STX6: variants seen among roughly 807,000 people sequenced by gnomAD.
STX6 encodes syntaxin 6.
A neutral mutation model predicts 38.0 loss-of-function variants in STX6; 23 were observed. The ratio of observed to expected loss-of-function variants is 0.60; its 90% CI spans 0.43 to 0.86. The LOEUF is 0.86. Ranked by LOEUF, STX6 falls within the 40% of genes least tolerant of loss-of-function variation. STX6 has a pLI of 0.00. For synonymous variants in STX6, 123 were observed against 107.5 expected (o/e 1.14, Z -0.89); for missense variants, 274 against 312.9 (o/e 0.88, Z 0.94).
At chr1:181,000,794 G>A (rs1656057843) in intron 3 of STX6, among the ~76,000 whole-genome samples, 1 of 150,640 alleles carries the variant, frequency 6.6e-6, no homozygotes, top group Non-Finnish European at 1.5e-5. Context: ...TAATGATTAA[G>A]GTTAAGGACA....
chr1:181,020,701 C>T (rs532666783), intron 1 of STX6, among the ~76,000 whole-genome samples: 1 of 152,204 alleles, frequency 6.6e-6, no homozygotes. Flanking sequence ...AAGGAGTTAC[C>T]TTTCTCTGAA....
chr1:180,994,620 C>T (rs927807265), intron 3 of STX6, among the ~76,000 whole-genome samples: 12 of 152,058 alleles, frequency 7.9e-5, no homozygotes, highest in African/African-American at 2.7e-4. Context: ...ATTTCACTCA[C>T]GGTGGATTTC....
rs1326866879 is a variant in STX6, at chr1:180,974,081, C to T, written c.*2489G>A. On this transcript the variant is annotated 3_prime_UTR_variant, in exon 8 of 8. Coordinates refer to ENST00000258301, the MANE Select transcript of STX6 (RefSeq NM_005819.6). ...CCCTCTAAAGCCCTGAACATTAGGA[C>T]CACTGAGGAGGAAATATTTGTCCTT... 6.6e-6 allele frequency: 1 copy of T among 152,200 alleles called. No homozygotes were observed. Among genetic ancestry groups the T allele is most frequent in the Non-Finnish European group, 1.5e-5 (1 of 68,042 alleles). 9.4% of individuals were successfully genotyped at this position (152,200 alleles called of 1,614,324 possible). A position where few individuals can be genotyped will look rare whatever the true frequency, so the allele number is the denominator to read the frequency against.
chr1:180,995,166 T>C (rs1655869179), intron 3 of STX6, among the ~76,000 whole-genome samples: 1 of 152,080 alleles, frequency 6.6e-6, no homozygotes, highest in South Asian at 2.1e-4. Context: ...TTTCAGTATG[T>C]TGGCCAGGAT....
chr1:181,017,230 CAA>C, intron 1 of STX6, among the ~76,000 whole-genome samples: 1 of 137,864 alleles, frequency 7.3e-6, no homozygotes. Flanking sequence ...ACTGAAAATA[CAA>C]AAAAAAAAAA....
intron 7 of STX6, among the ~76,000 whole-genome samples, chr1:180,979,507 G>A (rs1472655656): frequency 6.6e-6 from 1 of 152,174 alleles, no homozygotes; most frequent in Non-Finnish European, 1.5e-5. Context: ...AAATGAAGTT[G>A]GAGGCAGACT....
chr1:180,993,840 T>G (rs1655822844), intron 3 of STX6, among the ~76,000 whole-genome samples: 1 of 145,712 alleles, frequency 6.9e-6, no homozygotes, highest in Middle Eastern at 3.4e-3. Context: ...AGAACATCCC[T>G]GGGGTACAAA....
intron 6 of STX6, among the ~76,000 whole-genome samples, chr1:180,986,762 TG>T (rs1655599436): frequency 6.6e-6 from 1 of 152,132 alleles, no homozygotes; most frequent in Non-Finnish European, 1.5e-5. Context: ...TAGTGAGCTG[TG>T]GAGAGGGAGT....
chr1:180,988,173 A>T, intron 6 of STX6, 66 bp downstream of exon 6: 1 of 1,132,182 alleles, frequency 8.8e-7, no homozygotes, highest in Non-Finnish European at 1.3e-6. Flanking sequence ...CAGGCTTTTT[A>T]GGGGTGTCAT....
intron 6 of STX6, among the ~76,000 whole-genome samples, chr1:180,985,131 C>T (rs369912057): frequency 2.8e-4 from 33 of 119,596 alleles, no homozygotes; most frequent in Admixed American, 5.5e-4. Context: ...CATGAGCTTG[C>T]GGCAAATTTA....
In STX6 at chr1:180,976,476, G is replaced by C; in HGVS notation, c.*94C>G. On this transcript the variant is annotated 3_prime_UTR_variant, in exon 8 of 8. Transcript: ENST00000258301. Reference sequence around the variant, plus strand: ...AGTGCAGCAGTATGTTTCCAGGATAGGAATGTGAGTAGACGGCAATGTCAC... The same window carrying C: ...AGTGCAGCAGTATGTTTCCAGGATACGAATGTGAGTAGACGGCAATGTCAC... 9.3e-7 allele frequency: 1 copy of C among 1,076,604 alleles called. No individual in the cohort carries two copies. Among genetic ancestry groups the C allele is most frequent in the South Asian group, 1.3e-5 (1 of 78,104 alleles). The allele number at this position is 1,076,604 out of a possible 1,614,324, so 66.7% of individuals were successfully genotyped here.
intron 7 of STX6, chr1:180,980,544 ACTTT>A (rs1426685655): frequency 2.2e-5 from 1 of 44,874 alleles, no homozygotes; most frequent in Non-Finnish European, 4.5e-5. Flanking sequence ...AAAAACCTGC[ACTTT>A]TTTTTTTTTT....
Position 181,022,827 on chromosome 1 carries a change from G to A in STX6, c.-154C>T. 2 of 689,374 alleles carry A rather than the reference G, an allele frequency of 2.9e-6. No individual in the cohort carries two copies. Among genetic ancestry groups the A allele is most frequent in the Non-Finnish European group, 4.8e-6 (2 of 413,090 alleles). The allele number at this position is 689,374 out of a possible 1,614,324, so 42.7% of individuals were successfully genotyped here. On this transcript the variant is annotated 5_prime_UTR_variant, in exon 1 of 8. Coordinates refer to ENST00000258301, the MANE Select transcript of STX6 (RefSeq NM_005819.6). ...GCACGCGCACAGGCCAGGTGCACAG[G>A]ACGGCCGCTGGTCCAGCACTCGCTC...
rs144136629 is a variant in STX6, at chr1:180,994,273, A to G, written c.301-848T>C. Among the ~76,000 whole-genome samples the G allele has an allele frequency of 2.7e-3, 406 of 152,360 alleles. 1 individual carries two copies. Among genetic ancestry groups the G allele is most frequent in the African/African-American group, 9.4e-3 (389 of 41,580 alleles). ...GTGTAAGACTTTTAGAAACTTCTTTAAAGACCCATGACAAGTAAACAGATG... is the reference window on the plus strand; with the variant it reads ...GTGTAAGACTTTTAGAAACTTCTTTGAAGACCCATGACAAGTAAACAGATG... On this transcript the variant is annotated intron_variant, in intron 3 of 7. Coordinates refer to ENST00000258301, the MANE Select transcript of STX6 (RefSeq NM_005819.6).
chr1:180,982,440 T>C (rs558498255), intron 7 of STX6, among the ~76,000 whole-genome samples: 1 of 152,366 alleles, frequency 6.6e-6, no homozygotes, highest in African/African-American at 2.4e-5. Flanking sequence ...TGGCTCTTTT[T>C]CCTATACAAA....
intron 7 of STX6, among the ~76,000 whole-genome samples, chr1:180,984,089 A>AAAAAAAAAAC (rs141306282): frequency 6.2e-5 from 6 of 97,016 alleles, no homozygotes; most frequent in Admixed American, 1.2e-4. Flanking sequence ...AAAAAAAAAA[A>AAAAAAAAAAC]ACACAACGAA....
At chr1:181,008,548 A>G (rs991828914) in intron 1 of STX6, among the ~76,000 whole-genome samples, 1 of 152,136 alleles carries the variant, frequency 6.6e-6, no homozygotes, top group African/African-American at 2.4e-5. Context: ...TATAACATCA[A>G]ATAGTGGTCA....
chr1:181,015,027 A>G (rs1277511256), intron 1 of STX6, among the ~76,000 whole-genome samples: 1 of 151,964 alleles, frequency 6.6e-6, no homozygotes, highest in Non-Finnish European at 1.5e-5. Flanking sequence ...CATTATATCT[A>G]TTTGCTTGAA....
chr1:180,995,737 G>A (rs914568284), intron 3 of STX6, among the ~76,000 whole-genome samples: 1 of 152,126 alleles, frequency 6.6e-6, no homozygotes, highest in Admixed American at 6.6e-5. Flanking sequence ...TTATAATAGT[G>A]TTTTTTTAAA....
Sources: gnomAD v4.1 joint callset for allele counts (sites outside exome capture counted in the v4.1 genomes callset) on GRCh38, gnomAD v4.1.1 for gene constraint, MANE v1.5 for transcripts, NCBI Gene and HGNC (gene_info 2026-07-23, HGNC 2026-07-21) for gene names.